Variants in PIK3CA observed in about 807,000 individuals in gnomAD.
PIK3CA encodes phosphatidylinositol 4,5-bisphosphate 3-kinase catalytic subunit alpha isoform.
PIK3CA carries 27 observed loss-of-function variants against 138.2 expected under a neutral mutation model. That is an observed-to-expected ratio of 0.20 (90% CI 0.14 to 0.27). The LOEUF is 0.27. PIK3CA is among the 10% of genes least tolerant of loss of function. PIK3CA has a pLI of 1.00. For synonymous variants in PIK3CA, 358 were observed against 413.2 expected (o/e 0.87, Z 1.62); for missense variants, 544 against 1,277.4 (o/e 0.43, Z 8.75).
chr3:179,201,947 A>G (rs768509678), intron 4 of PIK3CA, among the ~76,000 whole-genome samples: 1 of 152,078 alleles, frequency 6.6e-6, no homozygotes, highest in Non-Finnish European at 1.5e-5. Flanking sequence ...AAGTAATATT[A>G]GTAAATAGCG....
At chr3:179,223,030 G>A (rs993634565) in intron 14 of PIK3CA, among the ~76,000 whole-genome samples, 2 of 152,138 alleles carry the variant, frequency 1.3e-5, no homozygotes, top group Non-Finnish European at 1.5e-5. Context: ...TTTTGATAGG[G>A]AACTAAGATT....
intron 1 of PIK3CA, among the ~76,000 whole-genome samples, chr3:179,185,541 C>A (rs1419215707): frequency 1.3e-5 from 2 of 152,126 alleles, no homozygotes; most frequent in African/African-American, 4.8e-5. Flanking sequence ...CACTATCTGC[C>A]TAGAGATAGC....
At chr3:179,223,801 G>A (rs981408275) in intron 14 of PIK3CA, among the ~76,000 whole-genome samples, 2 of 152,084 alleles carry the variant, frequency 1.3e-5, no homozygotes, top group East Asian at 1.9e-4. Context: ...CTGACCTGCC[G>A]GTTGACTAGC....
intron 1 of PIK3CA, among the ~76,000 whole-genome samples, chr3:179,159,729 CATT>C (rs1210376261): frequency 3.9e-5 from 6 of 152,236 alleles, no homozygotes; most frequent in African/African-American, 1.2e-4. Context: ...AGAAATGCAT[CATT>C]AGATGATTTC....
intron 1 of PIK3CA, among the ~76,000 whole-genome samples, chr3:179,187,364 C>T (rs1476998730): frequency 2.0e-5 from 3 of 151,412 alleles, no homozygotes; most frequent in East Asian, 2.0e-4. Context: ...GGTGAAACCC[C>T]GTCTCTACTA....
intron 6 of PIK3CA, among the ~76,000 whole-genome samples, chr3:179,209,301 A>G (rs1332577160): frequency 2.0e-5 from 3 of 152,030 alleles, no homozygotes; most frequent in Non-Finnish European, 4.4e-5. Context: ...GAGATTTCCT[A>G]TTACTGCATA....
rs2108410952 is a variant in PIK3CA, at chr3:179,219,659, G to A, written c.1835G>A (p.Arg612Gln). 1.2e-6 allele frequency: 2 copies of A among 1,611,310 alleles called. No homozygotes were observed. The highest frequency in any genetic ancestry group is 1.7e-6 in the Non-Finnish European group (2 of 1,177,878). Residue 612 changes from arginine to glutamine, a missense_variant, in exon 12 of 21, where the codon CGA becomes CAA. Physicochemically the swap from Arg to Gln is conservative, Grantham distance 43 (BLOSUM62 1). Transcript: ENST00000263967. This position sits in a 1 kb window ranked among gnomAD's most constrained non-coding sequence, Gnocchi z 4.2. ...TGTAATTACCCAGATCCTATGGTTC[G>A]AGGTTTTGCTGTTCGGTGCTTGGAA... ...LDCNYPDPMV[R>Q]GFAVRCLEKY...
Position 179,218,191 on chromosome 3 carries a change from A to G in PIK3CA, c.1540-19A>G, listed in dbSNP as rs755870685. 5.9e-6 allele frequency: 9 copies of G among 1,529,910 alleles called. No individual in the cohort carries two copies. The highest frequency in any genetic ancestry group is 2.0e-5 in the Admixed American group (1 of 51,196). 94.8% of individuals were successfully genotyped at this position (1,529,910 alleles called of 1,614,324 possible). Reference sequence around the variant, plus strand: ...AATATGACAAAGAAAGCTATATAAGATATTATTTTATTTTACAGAGTAACA... The same window carrying G: ...AATATGACAAAGAAAGCTATATAAGGTATTATTTTATTTTACAGAGTAACA... On this transcript the variant is annotated intron_variant, in intron 9 of 20. Coordinates refer to ENST00000263967, the MANE Select transcript of PIK3CA (RefSeq NM_006218.4).
intron 9 of PIK3CA, among the ~76,000 whole-genome samples, 195 bp downstream of exon 9, chr3:179,210,760 G>A (rs1042818376): frequency 1.2e-4 from 19 of 152,282 alleles, no homozygotes; most frequent in African/African-American, 4.6e-4. Context: ...GCCCTAGCTT[G>A]CCTTCATTCA....
chr3:179,170,064 ACACGCGCGCGCG>A (rs1272327749), intron 1 of PIK3CA, among the ~76,000 whole-genome samples: 2 of 49,728 alleles, frequency 4.0e-5, no homozygotes, highest in South Asian at 7.7e-4. Context: ...ATGCGCGTGC[ACACGCGCGCGCG>A]CACACACACA....
chr3:179,164,698 G>A (rs749778216), intron 1 of PIK3CA, among the ~76,000 whole-genome samples: 26 of 151,974 alleles, frequency 1.7e-4, no homozygotes, highest in Non-Finnish European at 2.9e-4. Context: ...GCAAAACCCC[G>A]TCTCTACTAA....
At chr3:179,193,329 T>C (rs930521858) in intron 1 of PIK3CA, among the ~76,000 whole-genome samples, 4 of 152,252 alleles carry the variant, frequency 2.6e-5, no homozygotes, top group African/African-American at 9.6e-5. Flanking sequence ...TTTTGGTCTG[T>C]TGGCCTTTAG....
At chr3:179,231,630 CTTTTTTTTTTTTTT>C (rs144349648) in intron 20 of PIK3CA, among the ~76,000 whole-genome samples, 2 of 50,384 alleles carry the variant, frequency 4.0e-5, no homozygotes, top group African/African-American at 1.0e-4. Context: ...CCTTAGCCCA[CTTTTTTTTTTTTTT>C]TTTTTTTTTT....
intron 1 of PIK3CA, among the ~76,000 whole-genome samples, chr3:179,195,777 T>C (rs1287800334): frequency 2.6e-5 from 4 of 152,160 alleles, no homozygotes; most frequent in Non-Finnish European, 5.9e-5. Context: ...AATGATAATA[T>C]CTACCTCAAA....
intron 5 of PIK3CA, among the ~76,000 whole-genome samples, chr3:179,204,199 A>G (rs186945329): frequency 6.6e-6 from 1 of 152,330 alleles, no homozygotes; most frequent in Non-Finnish European, 1.5e-5. Flanking sequence ...TTTAGTAAGT[A>G]CGTGTACCAA....
intron 6 of PIK3CA, among the ~76,000 whole-genome samples, chr3:179,205,416 A>G (rs1724533203): frequency 6.6e-6 from 1 of 152,162 alleles, no homozygotes; most frequent in Non-Finnish European, 1.5e-5. Context: ...TTATAATTTT[A>G]TGCTAATCAT....
intron 1 of PIK3CA, among the ~76,000 whole-genome samples, chr3:179,159,159 A>G (rs1480977731): frequency 6.6e-6 from 1 of 152,192 alleles, no homozygotes; most frequent in Non-Finnish European, 1.5e-5. Context: ...CTTTTAAAGA[A>G]TGACTTTTAT....
chr3:179,234,337 C>T lies in PIK3CA; in HGVS notation c.3180C>T (p.His1060=), dbSNP rs748925418. ...CAACAAAAATGGATTGGATCTTCCA[C>T]ACAATTAAACAGCATGCATTGAACT... is the stretch of plus-strand genomic sequence containing the variant. ...GWTTKMDWIF[H]TIKQHALN Residue 1060 remains histidine, a synonymous_variant, in exon 21 of 21, where the codon CAC becomes CAT. Transcript: ENST00000263967. This position sits in a 1 kb window ranked among gnomAD's most constrained non-coding sequence, Gnocchi z 5.1. 11 of 1,611,704 alleles carry T rather than the reference C, an allele frequency of 6.8e-6. No individual in the cohort carries two copies. Among genetic ancestry groups the T allele is most frequent in the East Asian group, 2.2e-5 (1 of 44,808 alleles).
At chr3:179,164,293 C>T (rs1458720172) in intron 1 of PIK3CA, among the ~76,000 whole-genome samples, 1 of 152,066 alleles carries the variant, frequency 6.6e-6, no homozygotes, top group African/African-American at 2.4e-5. Context: ...GCTATATTTC[C>T]GATACTTACA....
Sources: gnomAD v4.1 joint callset for allele counts (sites outside exome capture counted in the v4.1 genomes callset) on GRCh38, gnomAD v4.1.1 for gene constraint, Gnocchi (gnomAD v3.1) non-coding constraint, MANE v1.5 for transcripts, NCBI Gene and HGNC (gene_info 2026-07-23, HGNC 2026-07-21) for gene names.